INTU: variants seen among roughly 807,000 people sequenced by gnomAD.
The protein encoded by INTU is protein inturned.
Under a neutral mutation model 100.5 loss-of-function variants are expected in INTU, and 68 were observed. The ratio of observed to expected loss-of-function variants is 0.68; its 90% CI spans 0.56 to 0.83. INTU has a LOEUF of 0.83. Ranked by LOEUF, INTU falls within the 40% of genes least tolerant of loss-of-function variation. The probability of loss-of-function intolerance (pLI) is 0.00; values close to 1 mark genes in which losing one functional copy is unlikely to be tolerated. For missense variants in INTU, 1,071 were observed against 1,114.7 expected, an observed-to-expected ratio of 0.96 and a Z score of 0.56; for synonymous variants, 357 against 395.7, an observed-to-expected ratio of 0.90 and a Z score of 1.16.
At chr4:127,686,894 T>C (rs1314964131) in intron 7 of INTU, 1 of 152,328 alleles carries the variant, frequency 6.6e-6, no homozygotes, top group East Asian at 1.9e-4. Context: ...TATTTTGATA[T>C]GCCGATAGCA....
At chr4:127,656,805 G>C in intron 3 of INTU, 84 bp downstream of exon 3, 1 of 790,462 alleles carries the variant, frequency 1.3e-6, no homozygotes, top group South Asian at 2.2e-5. Flanking sequence ...CTTTTTAAGC[G>C]TCTGAAAAGT....
intron 2 of INTU, among the ~76,000 whole-genome samples, chr4:127,650,320 C>G (rs1727788051): frequency 6.6e-6 from 1 of 150,504 alleles, no homozygotes; most frequent in Non-Finnish European, 1.5e-5. Context: ...TGCGCTGCAC[C>G]CACTAACTCA....
intron 6 of INTU, among the ~76,000 whole-genome samples, chr4:127,679,294 A>T (rs1333140952): frequency 1.3e-5 from 2 of 152,194 alleles, no homozygotes; most frequent in Non-Finnish European, 2.9e-5. Flanking sequence ...AATCAACAGA[A>T]TATACATTTT....
chr4:127,707,074 G>A, intron 12 of INTU, 105 bp downstream of exon 12: 3 of 1,283,488 alleles, frequency 2.3e-6, no homozygotes, highest in Non-Finnish European at 3.2e-6. Context: ...TTCTTCATTT[G>A]ACATGGTGGT....
At chr4:127,675,463 A>C (rs2126214397) in intron 6 of INTU, among the ~76,000 whole-genome samples, 1 of 152,288 alleles carries the variant, frequency 6.6e-6, no homozygotes, top group East Asian at 1.9e-4. Context: ...TTCATTTTTT[A>C]TTGCTGTGTA....
At chr4:127,664,944 A>G (rs533548440) in intron 4 of INTU, among the ~76,000 whole-genome samples, 1 of 151,918 alleles carries the variant, frequency 6.6e-6, no homozygotes, top group South Asian at 2.1e-4. Context: ...CGTTGCTTGT[A>G]TCATTATTCT....
chr4:127,666,970 T>A (rs1036335383), intron 4 of INTU, among the ~76,000 whole-genome samples: 1 of 151,914 alleles, frequency 6.6e-6, no homozygotes, highest in African/African-American at 2.4e-5. Flanking sequence ...CTTAGACACA[T>A]TTTTTTTATT....
At chr4:127,653,652 A>G (rs1728020020) in intron 2 of INTU, among the ~76,000 whole-genome samples, 1 of 150,848 alleles carries the variant, frequency 6.6e-6, no homozygotes, top group Non-Finnish European at 1.5e-5. Flanking sequence ...CTATGTGGTC[A>G]ATTTTGGAAT....
intron 8 of INTU, among the ~76,000 whole-genome samples, chr4:127,688,161 T>C (rs1729918606): frequency 6.6e-6 from 1 of 152,016 alleles, no homozygotes; most frequent in African/African-American, 2.4e-5. Flanking sequence ...TTTGTGACTT[T>C]GATTTTATAA....
chr4:127,639,249 T>C (rs1489919901), intron 1 of INTU, among the ~76,000 whole-genome samples: 1 of 152,178 alleles, frequency 6.6e-6, no homozygotes, highest in Non-Finnish European at 1.5e-5. Context: ...TCCTCTGGTC[T>C]GTAACAATAT....
intron 3 of INTU, among the ~76,000 whole-genome samples, chr4:127,661,887 T>C (rs577402498): frequency 1.4e-4 from 21 of 152,314 alleles, no homozygotes; most frequent in Non-Finnish European, 2.5e-4. Context: ...GAGGTTGTAC[T>C]AATTTACATT....
At chr4:127,694,696 T>C (rs1730304747) in intron 8 of INTU, among the ~76,000 whole-genome samples, 1 of 152,160 alleles carries the variant, frequency 6.6e-6, no homozygotes, top group Non-Finnish European at 1.5e-5. Context: ...GTGAAGGGTG[T>C]ATGGTGTGTG....
chr4:127,706,870 AG>A lies in INTU; in HGVS notation c.2173del (p.Asp725MetfsTer25), dbSNP rs1423846093. 5.0e-6 allele frequency: 8 copies of A among 1,614,102 alleles called. No homozygotes were observed. The highest frequency in any genetic ancestry group is 6.8e-6 in the Non-Finnish European group (8 of 1,179,994). On this transcript the variant is annotated frameshift_variant, in exon 12 of 16. Coordinates refer to ENST00000335251, the MANE Select transcript of INTU (RefSeq NM_015693.4). LOFTEE classifies it high-confidence loss of function. ...GSDNGCEGGE[D>X]DGFSPHTTPD... Reference sequence around the variant, plus strand: ...CTGACAATGGTTGTGAAGGTGGAGAAGATGATGGCTTTAGCCCCCATACTAC... The same window carrying A: ...CTGACAATGGTTGTGAAGGTGGAGAAATGATGGCTTTAGCCCCCATACTAC...
At chr4:127,664,101 A>C (rs939527689) in intron 4 of INTU, among the ~76,000 whole-genome samples, 1 of 152,052 alleles carries the variant, frequency 6.6e-6, no homozygotes, top group Non-Finnish European at 1.5e-5. Flanking sequence ...AGGGGGATGT[A>C]GCATTAACTT....
intron 2 of INTU, among the ~76,000 whole-genome samples, chr4:127,650,893 G>A (rs1306096096): frequency 4.8e-4 from 73 of 152,188 alleles, no homozygotes; most frequent in East Asian, 1.9e-3. Flanking sequence ...TTGTTTCCCG[G>A]CTTTTTAATG....
intron 8 of INTU, among the ~76,000 whole-genome samples, chr4:127,694,515 C>T (rs180917427): frequency 2.8e-4 from 42 of 152,060 alleles, no homozygotes; most frequent in Admixed American, 1.2e-3. Context: ...TTCAAAGAAC[C>T]GGATTAGTTT....
chr4:127,646,051 G>A (rs942343750), intron 2 of INTU, among the ~76,000 whole-genome samples: 1 of 151,956 alleles, frequency 6.6e-6, no homozygotes, highest in Non-Finnish European at 1.5e-5. Context: ...GGGCCTTGTG[G>A]TGCATGCCTG....
chr4:127,634,150 A>G (rs562331252), intron 1 of INTU, among the ~76,000 whole-genome samples: 4 of 152,376 alleles, frequency 2.6e-5, no homozygotes, highest in Admixed American at 2.0e-4. Flanking sequence ...CTTTAAAAGT[A>G]TGGTGGGGAA....
Position 127,661,039 on chromosome 4 carries a change from T to A in INTU, c.769-2342T>A, listed in dbSNP as rs940963240. On this transcript the variant is annotated intron_variant, in intron 3 of 15. Transcript: ENST00000335251. ...CTTAACATGTAAGCTTTTAAAAATG[T>A]CTTTTTAAAGTATAATTTTATTTGT... 1.3e-5 allele frequency among the ~76,000 whole-genome samples: 2 copies of A among 152,214 alleles called. 1 individual carries two copies. The highest frequency in any genetic ancestry group is 2.9e-5 in the Non-Finnish European group (2 of 68,034).
Sources: allele counts gnomAD v4.1 joint callset (sites outside exome capture counted in the v4.1 genomes callset), GRCh38; gene constraint gnomAD v4.1.1; transcripts MANE v1.5; gene names NCBI Gene and HGNC (gene_info 2026-07-23, HGNC 2026-07-21).